Variants in KIF3B observed in about 807,000 individuals in gnomAD.
The protein encoded by KIF3B is kinesin-like protein KIF3B.
Under a neutral mutation model 74.3 loss-of-function variants are expected in KIF3B, and 38 were observed. That is an observed-to-expected ratio of 0.51 (90% confidence interval 0.39 to 0.67). The LOEUF (loss-of-function observed/expected upper bound fraction) is 0.67. KIF3B is among the 30% of genes least tolerant of loss of function. KIF3B has a pLI of 0.00. For synonymous variants in KIF3B, 326 were observed against 342.5 expected, an observed-to-expected ratio of 0.95 and a Z score of 0.53; for missense variants, 649 against 932.0, an observed-to-expected ratio of 0.70 and a Z score of 3.95.
chr20:32,306,409 T>G (rs769230202), intron 1 of KIF3B, among the ~76,000 whole-genome samples: 1 of 151,354 alleles, frequency 6.6e-6, no homozygotes, highest in Non-Finnish European at 1.5e-5. Flanking sequence ...AAAAAAAAAA[T>G]TATTGATTGA....
intron 7 of KIF3B, 128 bp from the exon 8 acceptor site, chr20:32,330,013 G>C: frequency 2.7e-6 from 2 of 749,154 alleles, no homozygotes. Flanking sequence ...CTTTCAGGCA[G>C]GCTCTTTCTT....
In KIF3B at chr20:32,326,797, C is replaced by G; in HGVS notation, c.1775C>G (p.Pro592Arg). The G allele has an allele frequency of 6.5e-7, 1 of 1,532,790 alleles. No homozygotes were observed. Among genetic ancestry groups the G allele is most frequent in the Non-Finnish European group, 9.0e-7 (1 of 1,112,246 alleles). 94.9% of individuals were successfully genotyped at this position (1,532,790 alleles called of 1,614,324 possible). ...CATCTTATTATAGAAAACTTTATCC[C>G]TCTGGAAGAAAAAAGTAAAATTATG... is the stretch of plus-strand genomic sequence containing the variant. The part of the protein sequence containing the change: ...LKHLIIENFI[P>R]LEEKSKIMNR... The change falls in exon 6 of 9, where the codon CCT becomes CGT. Residue 592 changes from proline (P) to arginine (R), a missense_variant. Pro to Arg is a moderately radical substitution (Grantham distance 103, BLOSUM62 -2). This residue lies in a region of KIF3B where 186 missense variants were observed against 198.5 expected (regional missense o/e 0.94). Coordinates refer to ENST00000375712, the MANE Select transcript of KIF3B (RefSeq NM_004798.4).
rs892313955 is a variant in KIF3B at position 32,284,097 on chromosome 20, T to A, written c.-66+6332T>A. Among the ~76,000 whole-genome samples, 183 of 151,108 alleles carry A rather than the reference T, an allele frequency of 1.2e-3. 1 individual carries two copies. Among genetic ancestry groups the A allele is most frequent in the East Asian group, 6.6e-3 (34 of 5,138 alleles). On this transcript the variant is annotated intron_variant, in intron 1 of 8. Coordinates refer to ENST00000375712, the MANE Select transcript of KIF3B (RefSeq NM_004798.4). ...CACCCAGCTAATTAAAAAAAAAAAA[T>A]TTTTGTTTTTAATTTTTATTTTTTG... is the stretch of plus-strand genomic sequence containing the variant.
rs146627265 is a variant in KIF3B, at chr20:32,316,601, C to T, written c.1581C>T (p.Tyr527=). The T allele has an allele frequency of 3.2e-4, 509 of 1,614,118 alleles. No homozygotes were observed. The highest frequency in any genetic ancestry group is 4.1e-4 in the Non-Finnish European group (489 of 1,180,016). The change falls in exon 4 of 9, where the codon TAC becomes TAT. Residue 527 remains tyrosine, a synonymous_variant. Coordinates refer to ENST00000375712, the MANE Select transcript of KIF3B (RefSeq NM_004798.4). ...DEETLELKET[Y]SSLQQEVDIK... ...AGACCTTGGAACTTAAAGAGACATA[C>T]AGCTCATTGCAGCAAGAGGTGGACA...
At chr20:32,327,865 C>A (rs568032492) in intron 7 of KIF3B, among the ~76,000 whole-genome samples, 5 of 152,148 alleles carry the variant, frequency 3.3e-5, no homozygotes, top group African/African-American at 1.2e-4. Flanking sequence ...TTTGAGAGTC[C>A]AAGGTGGGCA....
Position 32,331,456 on chromosome 20 carries a change from A to G in KIF3B, c.*137A>G, listed in dbSNP as rs2047929727. The G allele has an allele frequency of 4.6e-6, 3 of 646,888 alleles. No individual in the cohort carries two copies. Among genetic ancestry groups the G allele is most frequent in the Non-Finnish European group, 7.9e-6 (3 of 378,670 alleles). The allele number at this position is 646,888 out of a possible 1,614,324, so 40.1% of individuals were successfully genotyped here. A position where few individuals can be genotyped will look rare whatever the true frequency, so the allele number is the denominator to read the frequency against. ...GAAGCGGTGGCCTCTTTGCAGATCA[A>G]CCAACTTAATCTGGTTGAACGTGCT... On this transcript the variant is annotated 3_prime_UTR_variant, in exon 9 of 9. Coordinates refer to ENST00000375712, the MANE Select transcript of KIF3B (RefSeq NM_004798.4).
At position 32,310,156 on chromosome 20, in the gene KIF3B, T is replaced by C; in HGVS notation, c.379T>C (p.Phe127Leu). Residue 127 changes from phenylalanine to leucine, a missense_variant, in exon 2 of 9, where the codon TTC becomes CTC. Phe to Leu is a conservative substitution (Grantham distance 22, BLOSUM62 0). Around this residue, in one of 4 missense-constraint regions of KIF3B, gnomAD observed 363 missense variants for 592.8 expected, o/e 0.61. Transcript: ENST00000375712. The surrounding 1 kb of genome is among the most constrained non-coding windows in gnomAD (Gnocchi z 6.5). ...CATTCCTAACTCATTTGACCATATC[T>C]TCACCCACATCTCTCGATCCCAGAA... Reference protein sequence around the residue: ...GVIPNSFDHIFTHISRSQNQQ... With the variant: ...GVIPNSFDHILTHISRSQNQQ... The C allele has an allele frequency of 6.2e-7, 1 of 1,613,436 alleles. No homozygotes were observed. Among genetic ancestry groups the C allele is most frequent in the Non-Finnish European group, 8.5e-7 (1 of 1,179,430 alleles).
At chr20:32,296,127 T>C (rs1041568243) in intron 1 of KIF3B, among the ~76,000 whole-genome samples, 1 of 151,770 alleles carries the variant, frequency 6.6e-6, no homozygotes, top group African/African-American at 2.4e-5. Flanking sequence ...CCTCCCAAAG[T>C]GCTGAGATTA....
chr20:32,322,738 A>T lies in KIF3B; in HGVS notation c.1749-4033A>T, dbSNP rs1182705732. On this transcript the variant is annotated intron_variant, in intron 5 of 8. Transcript: ENST00000375712. The stretch of plus-strand genomic sequence containing the variant: ...TATATTTATATTTATTTATTTATAT[A>T]TATTTATTTATATATATATTTATAT... Among the ~76,000 whole-genome samples the T allele has an allele frequency of 2.4e-4, 13 of 54,212 alleles. 4 individuals are homozygous for T. Among genetic ancestry groups the T allele is most frequent in the African/African-American group, 1.2e-3 (12 of 9,660 alleles). 35.6% of individuals were successfully genotyped at this position (54,212 alleles called of 152,430 possible). A position where few individuals can be genotyped will look rare whatever the true frequency, so the allele number is the denominator to read the frequency against.
intron 1 of KIF3B, among the ~76,000 whole-genome samples, chr20:32,307,196 T>C (rs1283117534): frequency 6.6e-6 from 1 of 152,196 alleles, no homozygotes; most frequent in Non-Finnish European, 1.5e-5. Flanking sequence ...ACGTTTGTTA[T>C]AAGCAACAGA....
chr20:32,287,000 T>G (rs932149923), intron 1 of KIF3B, among the ~76,000 whole-genome samples: 1 of 152,218 alleles, frequency 6.6e-6, no homozygotes, highest in Non-Finnish European at 1.5e-5. Context: ...ACAATTTGGT[T>G]GGGGAATTTA....
intron 2 of KIF3B, among the ~76,000 whole-genome samples, chr20:32,313,028 C>T (rs548777485): frequency 6.6e-6 from 1 of 152,130 alleles, no homozygotes; most frequent in Non-Finnish European, 1.5e-5. Flanking sequence ...TCCATCACCC[C>T]CAAAATGTCC....
At position 32,310,491 on chromosome 20, in the gene KIF3B, A is replaced by G. The variant is rs200794805; in HGVS notation, c.714A>G (p.Val238=). Reference sequence around the variant, plus strand: ...TCGATGGTGAAAACCACATCCGTGTAGGAAAATTGAACCTTGTAGATCTTG... The same window carrying G: ...TCGATGGTGAAAACCACATCCGTGTGGGAAAATTGAACCTTGTAGATCTTG... ...VGLDGENHIR[V]GKLNLVDLAG... Residue 238 remains valine, a synonymous_variant, in exon 2 of 9, where the codon GTA becomes GTG. Coordinates refer to ENST00000375712, the MANE Select transcript of KIF3B (RefSeq NM_004798.4). The surrounding 1 kb of genome is among the most constrained non-coding windows in gnomAD (Gnocchi z 6.5). The G allele has an allele frequency of 3.1e-6, 5 of 1,613,896 alleles. No homozygotes were observed. The South Asian group carries it at 4.4e-5, about 14-fold the overall frequency.
At chr20:32,306,398 G>GA (rs879899018) in intron 1 of KIF3B, among the ~76,000 whole-genome samples, 17 of 148,344 alleles carry the variant, frequency 1.1e-4, no homozygotes, top group African/African-American at 2.7e-4. Context: ...CCGTCTCAAA[G>GA]AAAAAAAAAA....
chr20:32,310,409 A>T lies in KIF3B; in HGVS notation c.632A>T (p.His211Leu). ...RSVGATNMNE[H>L]SSRSHAIFVI... ...GTCGGTGCTACCAACATGAACGAGC[A>T]CAGCTCGCGTTCTCATGCAATTTTC... is the stretch of plus-strand genomic sequence containing the variant. Residue 211 changes from histidine to leucine, a missense_variant, in exon 2 of 9, where the codon CAC becomes CTC. Physicochemically the swap from His to Leu is moderately conservative, Grantham distance 99. Around this residue, in one of 4 missense-constraint regions of KIF3B, gnomAD observed 363 missense variants for 592.8 expected, o/e 0.61. Transcript: ENST00000375712. The surrounding 1 kb of genome is among the most constrained non-coding windows in gnomAD (Gnocchi z 6.5). 1.9e-6 allele frequency: 3 copies of T among 1,614,220 alleles called. No homozygotes were observed. The highest frequency in any genetic ancestry group is 2.5e-6 in the Non-Finnish European group (3 of 1,180,034).
chr20:32,282,676 G>A (rs1373796427), intron 1 of KIF3B, among the ~76,000 whole-genome samples: 2 of 152,152 alleles, frequency 1.3e-5, no homozygotes, highest in South Asian at 2.1e-4. Flanking sequence ...GTGCTGACTC[G>A]GGATCTTGGC....
At chr20:32,307,010 A>G (rs2047774950) in intron 1 of KIF3B, among the ~76,000 whole-genome samples, 1 of 152,210 alleles carries the variant, frequency 6.6e-6, no homozygotes, top group African/African-American at 2.4e-5. Flanking sequence ...TCAAGCATAT[A>G]ACATGCATAT....
At chr20:32,327,507 G>A (rs1290295663) in intron 6 of KIF3B, 49 bp from the exon 7 acceptor site, 1 of 1,507,332 alleles carries the variant, frequency 6.6e-7, no homozygotes, top group Admixed American at 1.7e-5. Context: ...TCCGAGTGCT[G>A]GTTCCACAGG....
At position 32,316,749 on chromosome 20, in the gene KIF3B, A is replaced by G. The variant is rs1293938327; in HGVS notation, c.1630-7A>G. ...ACCCTCCTCACCTGCCTCTCCCCTC[A>G]TTCCAGCTCTTCTCCAAGCTTCAGG... is the stretch of plus-strand genomic sequence containing the variant. On this transcript the variant is annotated splice_polypyrimidine_tract_variant and splice_region_variant and intron_variant, in intron 4 of 8. Coordinates refer to ENST00000375712, the MANE Select transcript of KIF3B (RefSeq NM_004798.4). 6.2e-7 allele frequency: 1 copy of G among 1,613,878 alleles called. No homozygotes were observed. Among genetic ancestry groups the G allele is most frequent in the Non-Finnish European group, 8.5e-7 (1 of 1,179,788 alleles).
Sources: gnomAD v4.1 joint callset for allele counts (sites outside exome capture counted in the v4.1 genomes callset) on GRCh38, gnomAD v4.1.1 for gene constraint, gnomAD v4.1.1 regional missense constraint, Gnocchi (gnomAD v3.1) non-coding constraint, MANE v1.5 for transcripts, NCBI Gene and HGNC (gene_info 2026-07-23, HGNC 2026-07-21) for gene names.